CAB39: variants seen among roughly 807,000 people sequenced by gnomAD.
The protein encoded by CAB39 is calcium-binding protein 39.
A neutral mutation model predicts 40.0 loss-of-function variants in CAB39; 8 were observed. That is an observed-to-expected ratio of 0.20 (90% CI 0.12 to 0.36). CAB39 has a LOEUF of 0.36. Among genes scored for constraint, CAB39 ranks in the 10% least tolerant of loss-of-function variants. The probability of loss-of-function intolerance (pLI) is 1.00; values close to 1 mark genes in which losing one functional copy is unlikely to be tolerated. For missense variants in CAB39, 270 were observed against 401.1 expected, an observed-to-expected ratio of 0.67 and a Z score of 2.79; for synonymous variants, 156 against 141.6, an observed-to-expected ratio of 1.10 and a Z score of -0.72.
chr2:230,768,891 A>G (rs1390551182), intron 2 of CAB39, among the ~76,000 whole-genome samples: 1 of 152,184 alleles, frequency 6.6e-6, no homozygotes, highest in Non-Finnish European at 1.5e-5. Flanking sequence ...AAGATGATAG[A>G]CTCAGATGTA....
At position 230,712,885 on chromosome 2, in the gene CAB39, A is replaced by C. The variant is rs1214556130; in HGVS notation, c.-389A>C. ...CCGGGCTCGGGCCGCAAGCGGGGCGAGGGGTTCGGGGAGCGGCGCGGCCTG... is the reference window on the plus strand; with the variant it reads ...CCGGGCTCGGGCCGCAAGCGGGGCGCGGGGTTCGGGGAGCGGCGCGGCCTG... On this transcript the variant is annotated 5_prime_UTR_variant, in exon 1 of 9. Coordinates refer to ENST00000258418, the MANE Select transcript of CAB39 (RefSeq NM_016289.4). 6.6e-6 allele frequency: 1 copy of C among 151,742 alleles called. No homozygotes were observed. Among genetic ancestry groups the C allele is most frequent in the African/African-American group, 2.4e-5 (1 of 41,346 alleles). The allele number at this position is 151,742 out of a possible 1,614,324, so 9.4% of individuals were successfully genotyped here. A position where few individuals can be genotyped will look rare whatever the true frequency, so the allele number is the denominator to read the frequency against.
At chr2:230,729,646 A>T (rs961176637) in intron 1 of CAB39, among the ~76,000 whole-genome samples, 1 of 151,830 alleles carries the variant, frequency 6.6e-6, no homozygotes, top group Non-Finnish European at 1.5e-5. Context: ...CCAGCTACTC[A>T]GGAGGCTGAG....
At chr2:230,772,979 C>CAAAAAAAAAA in intron 2 of CAB39, among the ~76,000 whole-genome samples, 1 of 60,918 alleles carries the variant, frequency 1.6e-5, no homozygotes, top group African/African-American at 8.3e-5. Context: ...TACTACTCAG[C>CAAAAAAAAAA]AATAAAAAAA....
chr2:230,774,765 A>C (rs1048458497), intron 2 of CAB39, among the ~76,000 whole-genome samples: 1 of 152,088 alleles, frequency 6.6e-6, no homozygotes, highest in Non-Finnish European at 1.5e-5. Flanking sequence ...TGGTTACTAA[A>C]CTTGTTTACA....
chr2:230,752,043 C>CCA lies in CAB39; in HGVS notation c.-43-7916_-43-7915insCA, dbSNP rs1419195266. On this transcript the variant is annotated intron_variant, in intron 1 of 8. Coordinates refer to ENST00000258418, the MANE Select transcript of CAB39 (RefSeq NM_016289.4). ...ATATTCTGACCACCCCCCCCCCCCC[C>CCA]ACATACACACCCCCAACCTCAAAGG... 75 of 93,116 alleles carry CCA rather than the reference C, an allele frequency of 8.1e-4. 1 individual carries two copies. Among genetic ancestry groups the CCA allele is most frequent in the Non-Finnish European group, 1.6e-3 (69 of 44,376 alleles). 5.8% of individuals were successfully genotyped at this position (93,116 alleles called of 1,614,324 possible).
At chr2:230,713,696 T>C (rs1358154761) in intron 1 of CAB39, 2 of 152,254 alleles carry the variant, frequency 1.3e-5, no homozygotes, top group Admixed American at 1.3e-4. Flanking sequence ...CTAACTGATT[T>C]CTGGTTAGGA....
intron 2 of CAB39, among the ~76,000 whole-genome samples, chr2:230,763,591 CA>C (rs946866086): frequency 1.5e-4 from 20 of 130,776 alleles, no homozygotes; most frequent in South Asian, 4.8e-4. Context: ...GATTCTGTCT[CA>C]AAAAAAAAAA....
intron 2 of CAB39, among the ~76,000 whole-genome samples, chr2:230,782,764 T>TCCTC (rs1476121965): frequency 1.3e-4 from 19 of 151,534 alleles, no homozygotes; most frequent in Admixed American, 5.2e-4. Context: ...CGCAAGTATT[T>TCCTC]CCTCCAACAT....
intron 5 of CAB39, among the ~76,000 whole-genome samples, chr2:230,803,971 A>G (rs939763365): frequency 3.3e-5 from 5 of 152,240 alleles, no homozygotes; most frequent in Non-Finnish European, 5.9e-5. Flanking sequence ...ACAAAGCTGG[A>G]GGCATCACAC....
At chr2:230,717,861 A>G (rs1694378597) in intron 1 of CAB39, among the ~76,000 whole-genome samples, 1 of 152,196 alleles carries the variant, frequency 6.6e-6, no homozygotes, top group Non-Finnish European at 1.5e-5. Context: ...CTGCAGAGGA[A>G]GGCAGGATGG....
intron 1 of CAB39, among the ~76,000 whole-genome samples, chr2:230,750,094 AAAAT>A (rs1304784565): frequency 2.0e-5 from 3 of 152,266 alleles, no homozygotes; most frequent in African/African-American, 7.2e-5. Context: ...TTTGAGGATC[AAAAT>A]AAATAATAGT....
chr2:230,750,375 C>T (rs992799753), intron 1 of CAB39, among the ~76,000 whole-genome samples: 2 of 152,202 alleles, frequency 1.3e-5, no homozygotes, highest in African/African-American at 4.8e-5. Flanking sequence ...ATGTCCACCT[C>T]CTCTTCACCA....
intron 7 of CAB39, among the ~76,000 whole-genome samples, chr2:230,815,111 T>A (rs755021693): frequency 3.3e-5 from 5 of 152,254 alleles, no homozygotes; most frequent in Non-Finnish European, 7.3e-5. Context: ...TGGAATACTT[T>A]GTGTCCTTTG....
Position 230,736,718 on chromosome 2 carries a change from A to G in CAB39, c.-43-23241A>G, listed in dbSNP as rs570969418. On this transcript the variant is annotated intron_variant, in intron 1 of 8. Coordinates refer to ENST00000258418, the MANE Select transcript of CAB39 (RefSeq NM_016289.4). ...GGAGGAGGGGAAGGAGGGGAGTCAA[A>G]AAATCTCAAAAACTTGACCCTTCTC... Among the ~76,000 whole-genome samples, 283 of 152,322 alleles carry G rather than the reference A, an allele frequency of 1.9e-3. 2 individuals are homozygous for G. Among genetic ancestry groups the G allele is most frequent in the African/African-American group, 6.6e-3 (273 of 41,578 alleles).
In CAB39 at chr2:230,808,935, G is replaced by A. The variant is rs558639451; in HGVS notation, c.568-1328G>A. 3.9e-5 allele frequency among the ~76,000 whole-genome samples: 6 copies of A among 152,312 alleles called. No homozygotes were observed. In the South Asian group the frequency reaches 1.2e-3, roughly 32 times the overall value. On this transcript the variant is annotated intron_variant, in intron 5 of 8. Coordinates refer to ENST00000258418, the MANE Select transcript of CAB39 (RefSeq NM_016289.4). ...ACTGCATAGGTGCTGGGGATTCAAA[G>A]GTTAATGAAAACAGACACGATCCTG...
chr2:230,724,703 CA>C (rs60886023), intron 1 of CAB39, among the ~76,000 whole-genome samples: 1,520 of 54,768 alleles, frequency 0.028, 26 homozygotes, highest in African/African-American at 0.086. Flanking sequence ...ACACGCTCAC[CA>C]AAAAAAAAAA....
chr2:230,758,320 C>T (rs1559600357), intron 1 of CAB39, among the ~76,000 whole-genome samples: 1 of 150,086 alleles, frequency 6.7e-6, no homozygotes, highest in Non-Finnish European at 1.5e-5. Context: ...AAAAAAAATC[C>T]TTGGATATTT....
intron 5 of CAB39, among the ~76,000 whole-genome samples, chr2:230,804,354 A>T (rs1050665107): frequency 1.3e-5 from 2 of 152,206 alleles, no homozygotes; most frequent in Non-Finnish European, 2.9e-5. Flanking sequence ...GGACTTCATG[A>T]CTAAAATACC....
chr2:230,742,738 CA>C (rs1694904186), intron 1 of CAB39, among the ~76,000 whole-genome samples: 1 of 151,996 alleles, frequency 6.6e-6, no homozygotes, highest in Non-Finnish European at 1.5e-5. Context: ...ATTGGCAATT[CA>C]AATTAAAATA....
Sources: gnomAD v4.1 joint callset for allele counts (sites outside exome capture counted in the v4.1 genomes callset) on GRCh38, gnomAD v4.1.1 for gene constraint, MANE v1.5 for transcripts, NCBI Gene and HGNC (gene_info 2026-07-23, HGNC 2026-07-21) for gene names.